RILPL1: variants seen among roughly 807,000 people sequenced by gnomAD.
RILPL1 encodes the protein Rab interacting lysosomal protein like 1.
RILPL1 carries 33 observed loss-of-function variants against 50.3 expected under a neutral mutation model. The ratio of observed to expected loss-of-function variants is 0.66; its 90% confidence interval spans 0.50 to 0.88. The LOEUF is 0.88. Among genes scored for constraint, RILPL1 ranks in the 40% least tolerant of loss-of-function variants. The pLI, the probability that RILPL1 is intolerant of heterozygous loss-of-function variation, is 0.00. For synonymous variants in RILPL1, 205 were observed against 228.6 expected, an observed-to-expected ratio of 0.90 and a Z score of 0.93; for missense variants, 418 against 542.5, an observed-to-expected ratio of 0.77 and a Z score of 2.28.
intron 2 of RILPL1, among the ~76,000 whole-genome samples, chr12:123,514,980 G>A (rs983391682): frequency 7.3e-5 from 11 of 151,590 alleles, no homozygotes. Context: ...GCCCAGGCTG[G>A]AGTGCAGTGG....
At chr12:123,503,185 C>CATTTT (rs1566128944) in intron 2 of RILPL1, among the ~76,000 whole-genome samples, 1 of 94,774 alleles carries the variant, frequency 1.1e-5, no homozygotes, top group Non-Finnish European at 2.2e-5. Flanking sequence ...CCACGCCTGG[C>CATTTT]CTTTTTTTTT....
chr12:123,482,413 G>T (rs529266620), intron 6 of RILPL1, among the ~76,000 whole-genome samples: 32 of 152,062 alleles, frequency 2.1e-4, no homozygotes, highest in Non-Finnish European at 4.6e-4. Flanking sequence ...TCGTGCACCA[G>T]CCTGTACTCT....
At chr12:123,475,496 C>T (rs1881523952) in intron 6 of RILPL1, 2 of 619,636 alleles carry the variant, frequency 3.2e-6, no homozygotes, top group Non-Finnish European at 5.9e-6. Flanking sequence ...CGAGCGCAGC[C>T]AGTGGCACAG....
In RILPL1 at chr12:123,522,580, C is replaced by T. The variant is rs944901800; in HGVS notation, c.460+915G>A. 6.6e-6 allele frequency among the ~76,000 whole-genome samples: 1 copy of T among 152,138 alleles called. No individual in the cohort carries two copies. Among genetic ancestry groups the T allele is most frequent in the Non-Finnish European group, 1.5e-5 (1 of 68,026 alleles). On this transcript the variant is annotated intron_variant, in intron 2 of 6. Coordinates refer to ENST00000376874, the MANE Select transcript of RILPL1 (RefSeq NM_178314.5). This position sits in a 1 kb window ranked among gnomAD's most constrained non-coding sequence, Gnocchi z 4.0. ...TGACCTCATTTCCAGCCTCCTGAGG[C>T]CTCAATCATCTTCTGACACACTAGC...
At chr12:123,483,850 C>T (rs763903680) in intron 6 of RILPL1, among the ~76,000 whole-genome samples, 9 of 152,152 alleles carry the variant, frequency 5.9e-5, no homozygotes, top group Non-Finnish European at 1.2e-4. Context: ...ACCCCTACCT[C>T]GCTACCCTTA....
intron 1 of RILPL1, among the ~76,000 whole-genome samples, chr12:123,527,542 C>T (rs1469494720): frequency 6.6e-6 from 1 of 151,678 alleles, no homozygotes; most frequent in Non-Finnish European, 1.5e-5. Flanking sequence ...CAGGCTGAGG[C>T]ATGAGAATCA....
At chr12:123,523,733 C>T in intron 1 of RILPL1, 88 bp from the exon 2 acceptor site, 1 of 1,476,162 alleles carries the variant, frequency 6.8e-7, no homozygotes, top group South Asian at 1.2e-5. Flanking sequence ...GCTTGGGTTG[C>T]TGGGACTTTG....
chr12:123,493,040 A>T (rs544550073), intron 4 of RILPL1, among the ~76,000 whole-genome samples: 1 of 152,264 alleles, frequency 6.6e-6, no homozygotes, highest in East Asian at 1.9e-4. Context: ...GTCTGTGCTG[A>T]GGAGGATTAG....
At position 123,498,136 on chromosome 12, in the gene RILPL1, AGTCTGGGGTTCCAACCCCTCAGCTGTGT is replaced by A. The variant is rs1176182103; in HGVS notation, c.801+380_801+407del. Among the ~76,000 whole-genome samples, 1 of 152,120 alleles carries A rather than the reference AGTCTGGGGTTCCAACCCCTCAGCTGTGT, an allele frequency of 6.6e-6. No homozygotes were observed. Among genetic ancestry groups the A allele is most frequent in the Admixed American group, 6.5e-5 (1 of 15,274 alleles). ...ATCACTGAGATGGGAGAATGCTGGGAGTCTGGGGTTCCAACCCCTCAGCTGTGTGTCCTCAGGCCAGTAGCTTGTTCTC... is the reference window on the plus strand; with the variant it reads ...ATCACTGAGATGGGAGAATGCTGGGAGTCCTCAGGCCAGTAGCTTGTTCTC... On this transcript the variant is annotated intron_variant, in intron 4 of 6. Transcript: ENST00000376874. The surrounding 1 kb of genome is among the most constrained non-coding windows in gnomAD (Gnocchi z 4.3).
intron 2 of RILPL1, chr12:123,519,400 G>A (rs1246031894): frequency 2.0e-5 from 3 of 152,236 alleles, no homozygotes; most frequent in Non-Finnish European, 4.4e-5. Context: ...CGGGAGCAAA[G>A]TGCTTTTTAA....
At chr12:123,490,242 C>T (rs1393165930) in intron 4 of RILPL1, among the ~76,000 whole-genome samples, 1 of 152,116 alleles carries the variant, frequency 6.6e-6, no homozygotes, top group Non-Finnish European at 1.5e-5. Flanking sequence ...GAGCAAAGCC[C>T]TTCAAAGGAA....
At chr12:123,484,138 G>A (rs561706128) in intron 6 of RILPL1, 42 bp downstream of exon 6, 19 of 1,341,336 alleles carry the variant, frequency 1.4e-5, no homozygotes, top group Non-Finnish European at 1.8e-5. Flanking sequence ...CACGTGAACC[G>A]CCAGGTCAGC....
At position 123,533,409 on chromosome 12, in the gene RILPL1, A is replaced by G. The variant is rs1196516908; in HGVS notation, c.74T>C (p.Met25Thr). Reference protein sequence around the residue: ...LEKNVAELTVMDVYDIASLVG... With the variant: ...LEKNVAELTVTDVYDIASLVG... The stretch of plus-strand genomic sequence containing the variant: ...AAGCGACGCGATGTCGTACACGTCC[A>G]TGACGGTCAGCTCGGCCACGTTCTT... Residue 25 changes from methionine to threonine, a missense_variant, in exon 1 of 7, where the codon ATG (methionine) becomes ACG (threonine). Physicochemically the swap from Met to Thr is moderately conservative, Grantham distance 81. Transcript: ENST00000376874. This position sits in a 1 kb window ranked among gnomAD's most constrained non-coding sequence, Gnocchi z 6.2. 4.5e-6 allele frequency: 7 copies of G among 1,548,250 alleles called. No individual in the cohort carries two copies. The highest frequency in any genetic ancestry group is 8.7e-7 in the Non-Finnish European group (1 of 1,146,610).
intron 2 of RILPL1, among the ~76,000 whole-genome samples, chr12:123,521,084 A>T (rs1033525897): frequency 6.6e-6 from 1 of 152,114 alleles, no homozygotes; most frequent in Non-Finnish European, 1.5e-5. Context: ...AACTTTTCTC[A>T]TCTGTTCAAT....
chr12:123,475,828 AGTG>A, intron 6 of RILPL1: 2 of 850,932 alleles, frequency 2.4e-6, no homozygotes, highest in Non-Finnish European at 3.8e-6. Flanking sequence ...CACAGACACC[AGTG>A]GAAGGGTTTG....
Position 123,498,235 on chromosome 12 carries a change from T to A in RILPL1, c.801+309A>T, listed in dbSNP as rs911516324. ...TCTCTCTCTCTCTCTCTTTTTTTTT[T>A]AGACAGGTCTGGCTCTGTTACCCAG... On this transcript the variant is annotated intron_variant, in intron 4 of 6. Transcript: ENST00000376874. This position sits in a 1 kb window ranked among gnomAD's most constrained non-coding sequence, Gnocchi z 4.3. Among the ~76,000 whole-genome samples the A allele has an allele frequency of 1.3e-5, 2 of 151,924 alleles. No individual in the cohort carries two copies.
At position 123,533,342 on chromosome 12, in the gene RILPL1, G is replaced by A; in HGVS notation, c.141C>T (p.Cys47=). ...TGGGCATGAGGCGCGCGATGGCCTC[G>A]CAGCCGTGCTGGTCAATGACCCGCT... ...EFERVIDQHG[C]EAIARLMPKV... Residue 47 remains cysteine, a synonymous_variant, in exon 1 of 7, where the codon TGC becomes TGT. Transcript: ENST00000376874. This position sits in a 1 kb window ranked among gnomAD's most constrained non-coding sequence, Gnocchi z 6.2. The A allele has an allele frequency of 6.3e-7, 1 of 1,580,982 alleles. No individual in the cohort carries two copies. Among genetic ancestry groups the A allele is most frequent in the African/African-American group, 1.3e-5 (1 of 74,270 alleles).
intron 2 of RILPL1, among the ~76,000 whole-genome samples, chr12:123,509,590 C>T (rs1883962176): frequency 6.6e-6 from 1 of 151,586 alleles, no homozygotes; most frequent in Non-Finnish European, 1.5e-5. Flanking sequence ...AGAAGGAAAT[C>T]CTGTCACATG....
At chr12:123,500,278 C>CTTTTTT (rs61119415) in intron 2 of RILPL1, among the ~76,000 whole-genome samples, 21 of 88,266 alleles carry the variant, frequency 2.4e-4, no homozygotes, top group South Asian at 7.9e-4. Context: ...GTGTCCCTTT[C>CTTTTTT]TTTTTTTTTT....
Sources: gnomAD v4.1 joint callset for allele counts (sites outside exome capture counted in the v4.1 genomes callset) on GRCh38, gnomAD v4.1.1 for gene constraint, Gnocchi (gnomAD v3.1) non-coding constraint, MANE v1.5 for transcripts, NCBI Gene and HGNC (gene_info 2026-07-23, HGNC 2026-07-21) for gene names.